The following CTBP1 variants were observed in gnomAD, a reference collection of about 807,000 sequenced individuals.
The protein encoded by CTBP1 is C-terminal-binding protein 1.
A neutral mutation model predicts 42.1 loss-of-function variants in CTBP1; 11 were observed. That is an observed-to-expected ratio of 0.26 (90% CI 0.16 to 0.43). The LOEUF (loss-of-function observed/expected upper bound fraction) is 0.43, where lower values mean the gene tolerates loss of function less well. Among genes scored for constraint, CTBP1 ranks in the 20% least tolerant of loss-of-function variants. CTBP1 has a pLI of 1.00. For missense variants in CTBP1, 399 were observed against 624.3 expected (o/e 0.64, Z 3.85); for synonymous variants, 324 against 277.1 (o/e 1.17, Z -1.68).
intron 1 of CTBP1, 125 bp downstream of exon 1, chr4:1,248,791 A>G: frequency 1.1e-6 from 1 of 941,430 alleles, no homozygotes. Flanking sequence ...GCGCACGCGC[A>G]CTCGCACACA....
In CTBP1 at chr4:1,212,076, C is replaced by T. The variant is rs1029804010; in HGVS notation, c.*164G>A. Reference sequence around the variant, plus strand: ...GGCAGAGCGCCCACAGGACGGACGACGACAAGCGACACGAGGCCCAGCGCT... The same window carrying T: ...GGCAGAGCGCCCACAGGACGGACGATGACAAGCGACACGAGGCCCAGCGCT... On this transcript the variant is annotated 3_prime_UTR_variant, in exon 10 of 10. Transcript: ENST00000382952. The T allele has an allele frequency of 9.8e-6, 5 of 509,730 alleles. No individual in the cohort carries two copies. The highest frequency in any genetic ancestry group is 2.0e-5 in the African/African-American group (1 of 50,030). 31.6% of individuals were successfully genotyped at this position (509,730 alleles called of 1,614,324 possible).
At chr4:1,241,745 C>T (rs867781250) in intron 1 of CTBP1, 4 of 1,197,438 alleles carry the variant, frequency 3.3e-6, no homozygotes, top group Admixed American at 3.6e-5. Flanking sequence ...GGCCCGAGGC[C>T]GCGCCCCTGT....
At chr4:1,213,739 G>C in intron 7 of CTBP1, 134 bp from the exon 8 acceptor site, 1 of 1,211,184 alleles carries the variant, frequency 8.3e-7, no homozygotes, top group Non-Finnish European at 1.1e-6. Flanking sequence ...TGCTCTGCTC[G>C]GCAGGCTGGC....
At chr4:1,245,798 C>T (rs532520379) in intron 1 of CTBP1, among the ~76,000 whole-genome samples, 4 of 152,190 alleles carry the variant, frequency 2.6e-5, no homozygotes, top group South Asian at 2.1e-4. Context: ...GGAGAGTTAA[C>T]GGCGGTGCCA....
Position 1,211,535 on chromosome 4 carries a change from A to T in CTBP1, c.*705T>A, listed in dbSNP as rs1457533814. 1 of 152,530 alleles carries T rather than the reference A, an allele frequency of 6.6e-6. No homozygotes were observed. The highest frequency in any genetic ancestry group is 6.5e-5 in the Admixed American group (1 of 15,286). The allele number at this position is 152,530 out of a possible 1,614,324, so 9.4% of individuals were successfully genotyped here. On this transcript the variant is annotated 3_prime_UTR_variant, in exon 10 of 10. Coordinates refer to ENST00000382952, the MANE Select transcript of CTBP1 (RefSeq NM_001012614.2). ...ATTTTAACCAAAATATTGCTAGCCT[A>T]CCACATCAGCAGGACGGCACTGGTG...
Position 1,228,296 on chromosome 4 carries a change from G to C in CTBP1, c.210C>G (p.Leu70=), listed in dbSNP as rs144062192. 628 of 1,614,166 alleles carry C rather than the reference G, an allele frequency of 3.9e-4. 2 individuals carry two copies. The Middle Eastern group carries it at 7.4e-3, about 19-fold the overall frequency. Residue 70 remains leucine (L), a synonymous_variant, in exon 4 of 10, where the codon CTC becomes CTG. Coordinates refer to ENST00000382952, the MANE Select transcript of CTBP1 (RefSeq NM_001012614.2). ...VGALMYHTIT[L]TREDLEKFKA... ...TGAACTTCTCCAGGTCCTCCCTGGT[G>C]AGAGTGATGGTGTGGTACATCAGGG...
intron 3 of CTBP1, chr4:1,237,372 C>T (rs1435279620): frequency 2.9e-6 from 2 of 679,900 alleles, no homozygotes; most frequent in East Asian, 5.6e-5. Flanking sequence ...ATGTCCACCT[C>T]CTGATGGGGC....
rs1266210897 is a variant in CTBP1, at chr4:1,249,116, G to C, written c.-389C>G. 1.1e-5 allele frequency: 2 copies of C among 179,680 alleles called. No individual in the cohort carries two copies. Among genetic ancestry groups the C allele is most frequent in the Non-Finnish European group, 2.1e-5 (2 of 97,334 alleles). The allele number at this position is 179,680 out of a possible 1,614,324, so 11.1% of individuals were successfully genotyped here. On this transcript the variant is annotated 5_prime_UTR_variant, in exon 1 of 10. Transcript: ENST00000382952. ...CCGCCGCGCCGCTGAGCCGCGCTCCGACGACCGCGCGGGCGGGGACACGGC... is the reference window on the plus strand; with the variant it reads ...CCGCCGCGCCGCTGAGCCGCGCTCCCACGACCGCGCGGGCGGGGACACGGC...
Position 1,229,881 on chromosome 4 carries a change from C to T in CTBP1, c.163-1538G>A, listed in dbSNP as rs186380362. On this transcript the variant is annotated intron_variant, in intron 3 of 9. Coordinates refer to ENST00000382952, the MANE Select transcript of CTBP1 (RefSeq NM_001012614.2). ...TAGAGGAGAGGACCATGGAGGACCA[C>T]ACAGACCAGGGCCACAGCAGAGGCT... is the stretch of plus-strand genomic sequence containing the variant. 6.3e-3 allele frequency among the ~76,000 whole-genome samples: 965 copies of T among 152,312 alleles called. 15 individuals carry two copies. The highest frequency in any genetic ancestry group is 0.022 in the African/African-American group (916 of 41,558).
chr4:1,216,347 C>T (rs1729112873), intron 5 of CTBP1, 142 bp from the exon 6 acceptor site: 3 of 806,590 alleles, frequency 3.7e-6, no homozygotes, highest in South Asian at 1.7e-5. Flanking sequence ...AGCCAAGGTG[C>T]CCACGCACGC....
Position 1,245,312 on chromosome 4 carries a change from C to T in CTBP1, c.-189+3604G>A, listed in dbSNP as rs867253724. On this transcript the variant is annotated intron_variant, in intron 1 of 9. Transcript: ENST00000382952. The stretch of plus-strand genomic sequence containing the variant: ...TCTCCAGGACATCCGTGGAGCCGCA[C>T]GTTTCCCTGTTTGTTCAGCGAGCAC... 30 of 985,478 alleles carry T rather than the reference C, an allele frequency of 3.0e-5. No individual in the cohort carries two copies. In the South Asian group the frequency reaches 8.0e-4, roughly 26 times the overall value. 61.0% of individuals were successfully genotyped at this position (985,478 alleles called of 1,614,324 possible). A position where few individuals can be genotyped will look rare whatever the true frequency, so the allele number is the denominator to read the frequency against.
chr4:1,245,426 C>T (rs1466089501), intron 1 of CTBP1: 1 of 985,284 alleles, frequency 1.0e-6, no homozygotes, highest in Non-Finnish European at 1.2e-6. Flanking sequence ...ACACCTTCCT[C>T]CCCTTCCCAA....
intron 2 of CTBP1, 89 bp downstream of exon 2, chr4:1,241,236 G>T: frequency 2.6e-6 from 2 of 779,496 alleles, no homozygotes; most frequent in East Asian, 2.4e-5. Flanking sequence ...CAGGTCCCTC[G>T]ACTTGATCCG....
Position 1,248,181 on chromosome 4 carries a change from C to T in CTBP1, c.-189+735G>A, listed in dbSNP as rs1039044428. 2.0e-5 allele frequency among the ~76,000 whole-genome samples: 3 copies of T among 151,998 alleles called. No individual in the cohort carries two copies. In the South Asian group the frequency reaches 6.2e-4, roughly 31 times the overall value. On this transcript the variant is annotated intron_variant, in intron 1 of 9. Coordinates refer to ENST00000382952, the MANE Select transcript of CTBP1 (RefSeq NM_001012614.2). ...CCCGTGCTCCCTGCTTCCGCGGCCG[C>T]AGCCCGCGAGGAAGGCGCCCCGGGA...
chr4:1,227,394 TTCTG>T (rs769269886), intron 4 of CTBP1, among the ~76,000 whole-genome samples: 7 of 141,284 alleles, frequency 5.0e-5, no homozygotes, highest in Non-Finnish European at 1.1e-4. Context: ...GATGTGCGTG[TTCTG>T]TGTGTGTTCT....
Position 1,233,452 on chromosome 4 carries a change from C to T in CTBP1, c.162+4731G>A, listed in dbSNP as rs186054318. The stretch of plus-strand genomic sequence containing the variant: ...GGCTGCAGGTCCTCGCAGGCCACTG[C>T]GTCCTGTGCCCTCCCGGAGCCGCCC... On this transcript the variant is annotated intron_variant, in intron 3 of 9. Coordinates refer to ENST00000382952, the MANE Select transcript of CTBP1 (RefSeq NM_001012614.2). The surrounding 1 kb of genome is among the most constrained non-coding windows in gnomAD (Gnocchi z 4.6). Among the ~76,000 whole-genome samples, 14 of 152,336 alleles carry T rather than the reference C, an allele frequency of 9.2e-5. 1 individual carries two copies. Among genetic ancestry groups the T allele is most frequent in the East Asian group, 1.9e-4 (1 of 5,184 alleles).
Position 1,231,987 on chromosome 4 carries a change from G to A in CTBP1, c.163-3644C>T, listed in dbSNP as rs56007462. On this transcript the variant is annotated intron_variant, in intron 3 of 9. Coordinates refer to ENST00000382952, the MANE Select transcript of CTBP1 (RefSeq NM_001012614.2). ...CGCTCTGTCTGTACCAAACGCCACCGCCCTCATCCATTTTCTGTCGGGATT... is the reference window on the plus strand; with the variant it reads ...CGCTCTGTCTGTACCAAACGCCACCACCCTCATCCATTTTCTGTCGGGATT... Among the ~76,000 whole-genome samples, 1,103 of 152,360 alleles carry A rather than the reference G, an allele frequency of 7.2e-3. 6 individuals are homozygous for A. The highest frequency in any genetic ancestry group is 0.012 in the Non-Finnish European group (790 of 68,034).
At chr4:1,240,120 C>A (rs73793157) in intron 2 of CTBP1, among the ~76,000 whole-genome samples, 2,308 of 152,284 alleles carry the variant, frequency 0.015, 24 homozygotes, top group Admixed American at 0.023. Flanking sequence ...GCGTCAGAAC[C>A]GCCTGGGGGG....
Position 1,212,959 on chromosome 4 carries a change from T to C in CTBP1, c.1060A>G (p.Met354Val). The change falls in exon 9 of 10, where the codon ATG becomes GTG. Residue 354 changes from methionine to valine, a missense_variant. Transcript: ENST00000382952. Reference sequence around the variant, plus strand: ...TCAGGGTGCACGACGGCGGGGTCCATGCTGGCCCAGTGGGTGGCGGCTGTC... The same window carrying C: ...TCAGGGTGCACGACGGCGGGGTCCACGCTGGCCCAGTGGGTGGCGGCTGTC... ...HLTAATHWAS[M>V]DPAVVHPELN... 1 of 1,613,838 alleles carries C rather than the reference T, an allele frequency of 6.2e-7. No homozygotes were observed.
Sources: gnomAD v4.1 joint callset for allele counts (sites outside exome capture counted in the v4.1 genomes callset) on GRCh38, gnomAD v4.1.1 for gene constraint, Gnocchi (gnomAD v3.1) non-coding constraint, MANE v1.5 for transcripts, NCBI Gene and HGNC (gene_info 2026-07-23, HGNC 2026-07-21) for gene names.